The following ZC3H11A variants were observed in gnomAD, a reference collection of about 807,000 sequenced individuals.
ZC3H11A encodes the protein zinc finger CCCH domain-containing protein 11A.
ZC3H11A carries 22 observed loss-of-function variants against 90.8 expected under a neutral mutation model. The ratio of observed to expected loss-of-function variants is 0.24; its 90% CI spans 0.17 to 0.35. ZC3H11A has a LOEUF of 0.35. Ranked by LOEUF, ZC3H11A falls within the 10% of genes least tolerant of loss-of-function variation. The pLI is 1.00. For synonymous variants in ZC3H11A, 294 were observed against 339.8 expected (o/e 0.87, Z 1.48); for missense variants, 701 against 964.9 (o/e 0.73, Z 3.62).
rs1285463237 is a variant in ZC3H11A, at chr1:203,849,826, C to T, written c.1739C>T (p.Pro580Leu). 4 of 1,613,844 alleles carry T rather than the reference C, an allele frequency of 2.5e-6. No individual in the cohort carries two copies. In the Admixed American group the frequency reaches 6.7e-5, roughly 27 times the overall value. The change falls in exon 15 of 18, where the codon CCT becomes CTT. Residue 580 changes from proline (P) to leucine (L), a missense_variant. Coordinates refer to ENST00000367210, the MANE Select transcript of ZC3H11A (RefSeq NM_001376342.1). ...QQEREKSVLT[P>L]LRGDVASCNT... ...GAGAGGGAAAAATCAGTCTTGACAC[C>T]TCTTCGGGGAGATGTAGCCTCTTGC...
rs146106937 is a variant in ZC3H11A at position 203,815,516 on chromosome 1, G to A, written c.-145-1410G>A. On this transcript the variant is annotated intron_variant, in intron 2 of 17. Transcript: ENST00000367210. ...TTATAGGTATGAGCCACTGCACCCG[G>A]CCTATTTCATTATTAAAACAAGATT... Among the ~76,000 whole-genome samples, 25 of 151,954 alleles carry A rather than the reference G, an allele frequency of 1.6e-4. No homozygotes were observed. In the East Asian group the frequency reaches 4.8e-3, roughly 29 times the overall value.
At chr1:203,799,945 A>G in intron 1 of ZC3H11A, 2 of 1,536,150 alleles carry the variant, frequency 1.3e-6, no homozygotes, top group Non-Finnish European at 1.7e-6. Flanking sequence ...TCTTCACCAG[A>G]GATCTGCCAA....
chr1:203,853,929 T>C lies in ZC3H11A; in HGVS notation c.*1530T>C, dbSNP rs1252044327. The C allele has an allele frequency of 2.0e-5, 3 of 152,692 alleles. No homozygotes were observed. The highest frequency in any genetic ancestry group is 4.4e-5 in the Non-Finnish European group (3 of 68,046). 9.5% of individuals were successfully genotyped at this position (152,692 alleles called of 1,614,324 possible). A position where few individuals can be genotyped will look rare whatever the true frequency, so the allele number is the denominator to read the frequency against. Reference sequence around the variant, plus strand: ...CATGGATTTTCTACTTATTTCGTTTTTGGAATCAGCTTACAGATTCCAGGT... The same window carrying C: ...CATGGATTTTCTACTTATTTCGTTTCTGGAATCAGCTTACAGATTCCAGGT... On this transcript the variant is annotated 3_prime_UTR_variant, in exon 18 of 18. Coordinates refer to ENST00000367210, the MANE Select transcript of ZC3H11A (RefSeq NM_001376342.1).
At chr1:203,816,130 A>G (rs1326896486) in intron 2 of ZC3H11A, among the ~76,000 whole-genome samples, 1 of 152,212 alleles carries the variant, frequency 6.6e-6, no homozygotes, top group Non-Finnish European at 1.5e-5. Context: ...TTATGATTAT[A>G]TACTTTTGGA....
At chr1:203,812,224 G>C (rs951302461) in intron 2 of ZC3H11A, among the ~76,000 whole-genome samples, 1 of 152,064 alleles carries the variant, frequency 6.6e-6, no homozygotes, top group African/African-American at 2.4e-5. Context: ...CATCACCCAG[G>C]TATTAAGCCT....
At position 203,838,010 on chromosome 1, in the gene ZC3H11A, C is replaced by G; in HGVS notation, c.919C>G (p.Leu307Val). The change falls in exon 11 of 18, where the codon CTA becomes GTA. Residue 307 changes from leucine to valine, a missense_variant. Transcript: ENST00000367210. Reference protein sequence around the residue: ...PPLKRSLAQRLGKKVEAPETN... With the variant: ...PPLKRSLAQRVGKKVEAPETN... ...ATTAAAGCGTAGCCTGGCACAGAGG[C>G]TAGGGAAGAAAGTTGAAGCTCCAGA... The G allele has an allele frequency of 6.2e-7, 1 of 1,614,126 alleles. No individual in the cohort carries two copies.
At chr1:203,796,839 A>G in intron 1 of ZC3H11A, 1 of 166,116 alleles carries the variant, frequency 6.0e-6, no homozygotes, top group Non-Finnish European at 1.3e-5. Flanking sequence ...TTCTCAAAGC[A>G]TTTTTTTCCA....
intron 4 of ZC3H11A, among the ~76,000 whole-genome samples, chr1:203,821,106 A>G (rs1041059500): frequency 6.6e-6 from 1 of 152,120 alleles, no homozygotes; most frequent in African/African-American, 2.4e-5. Flanking sequence ...TGATTGGATC[A>G]TGGGGGCGGT....
chr1:203,809,376 C>G (rs1673554855), intron 2 of ZC3H11A, among the ~76,000 whole-genome samples: 1 of 151,402 alleles, frequency 6.6e-6, no homozygotes, highest in Admixed American at 6.6e-5. Context: ...GGTGTTTCAC[C>G]ATATTGGCCA....
intron 1 of ZC3H11A, 86 bp from the exon 2 acceptor site, chr1:203,801,489 A>G (rs1042507165): frequency 6.6e-6 from 1 of 152,502 alleles, no homozygotes; most frequent in Non-Finnish European, 1.5e-5. Flanking sequence ...GAGGCCAGAA[A>G]ATGATGACTT....
chr1:203,814,192 A>G (rs1293164526), intron 2 of ZC3H11A, among the ~76,000 whole-genome samples: 3 of 152,088 alleles, frequency 2.0e-5, no homozygotes, highest in Admixed American at 1.3e-4. Flanking sequence ...CTTCTGCCCA[A>G]CACAACCCAA....
Position 203,829,550 on chromosome 1 carries a change from C to T in ZC3H11A, c.398C>T (p.Pro133Leu). The part of the protein sequence containing the change: ...NKLSVQSNPS[P>L]QLRSVMKVES... ...TTGTCTGTCCAGTCCAATCCTTCCC[C>T]TCAGCTGCGGAGCGTTATGAAAGTA... Residue 133 changes from proline (P) to leucine (L), a missense_variant, in exon 6 of 18, where the codon CCT becomes CTT. Around this residue, in one of 4 missense-constraint regions of ZC3H11A, gnomAD observed 530 missense variants for 696.2 expected, o/e 0.76. Transcript: ENST00000367210. 6.2e-7 allele frequency: 1 copy of T among 1,614,028 alleles called. No individual in the cohort carries two copies. The highest frequency in any genetic ancestry group is 8.5e-7 in the Non-Finnish European group (1 of 1,179,954).
At chr1:203,819,077 AATAT>A (rs1197195368) in intron 4 of ZC3H11A, among the ~76,000 whole-genome samples, 2 of 132,558 alleles carry the variant, frequency 1.5e-5, no homozygotes, top group African/African-American at 5.9e-5. Flanking sequence ...CAAAAAAAAA[AATAT>A]ATATATATAC....
chr1:203,812,417 C>T (rs1490842558), intron 2 of ZC3H11A, among the ~76,000 whole-genome samples: 1 of 152,098 alleles, frequency 6.6e-6, no homozygotes, highest in Non-Finnish European at 1.5e-5. Flanking sequence ...AGGATAATAG[C>T]CTCTGGCTCC....
chr1:203,796,230 A>G (rs1254351347), intron 1 of ZC3H11A: 4 of 392,996 alleles, frequency 1.0e-5, no homozygotes, highest in Non-Finnish European at 1.8e-5. Flanking sequence ...GCGGACCCTC[A>G]CTGCCTAAAT....
intron 12 of ZC3H11A, among the ~76,000 whole-genome samples, chr1:203,845,852 CA>C (rs1312650677): frequency 6.6e-6 from 1 of 152,006 alleles, no homozygotes; most frequent in Admixed American, 6.6e-5. Context: ...GGCAACAGAG[CA>C]AAACTCTGTC....
chr1:203,839,830 G>A (rs1685516914), intron 11 of ZC3H11A, among the ~76,000 whole-genome samples: 1 of 152,016 alleles, frequency 6.6e-6, no homozygotes, highest in Non-Finnish European at 1.5e-5. Flanking sequence ...TTGAGACAGA[G>A]TCTCACTCTG....
chr1:203,841,405 G>A (rs1404089287), intron 12 of ZC3H11A, among the ~76,000 whole-genome samples: 1 of 152,112 alleles, frequency 6.6e-6, no homozygotes, highest in African/African-American at 2.4e-5. Flanking sequence ...AGCACATCTT[G>A]CACCGCCCTT....
At chr1:203,811,096 G>GGT in intron 2 of ZC3H11A, among the ~76,000 whole-genome samples, 1 of 150,634 alleles carries the variant, frequency 6.6e-6, no homozygotes, top group Non-Finnish European at 1.5e-5. Flanking sequence ...AGCCGAGATT[G>GGT]CGCCACTGCA....
Sources: gnomAD v4.1 joint callset for allele counts (sites outside exome capture counted in the v4.1 genomes callset) on GRCh38, gnomAD v4.1.1 for gene constraint, gnomAD v4.1.1 regional missense constraint, MANE v1.5 for transcripts, NCBI Gene and HGNC (gene_info 2026-07-23, HGNC 2026-07-21) for gene names.